Variants in SYTL5 observed in about 807,000 individuals in gnomAD.
The protein encoded by SYTL5 is synaptotagmin-like protein 5.
In SYTL5, 34 loss-of-function variants were observed where a neutral mutation model predicts 55.9. That is an observed-to-expected ratio of 0.61 (90% CI 0.46 to 0.81). The LOEUF is 0.81. SYTL5 is among the 30% of genes least tolerant of loss of function. SYTL5 has a pLI of 0.00. For synonymous variants in SYTL5, 221 were observed against 188.7 expected, an observed-to-expected ratio of 1.17 and a Z score of -1.40; for missense variants, 637 against 546.7, an observed-to-expected ratio of 1.17 and a Z score of -1.65.
the SYTL5 span, among the ~76,000 whole-genome samples, chrX:37,892,894 TCTATA>T: frequency 7.2e-5 from 5 of 69,273 alleles, no homozygotes; most frequent in African/African-American, 1.1e-4. Context: ...CATACCACAC[TCTATA>T]CTATATATGT....
chrX:37,940,423 G>A, the SYTL5 span, among the ~76,000 whole-genome samples: 2 of 104,489 alleles, frequency 1.9e-5, no homozygotes, highest in Non-Finnish European at 3.9e-5. Context: ...GGAACTTGCA[G>A]TGAGCCGAGA....
At chrX:37,890,608 A>G in the SYTL5 span, among the ~76,000 whole-genome samples, 1 of 111,808 alleles carries the variant, frequency 8.9e-6, no homozygotes, top group East Asian at 2.8e-4. Flanking sequence ...AATATTCCCA[A>G]ATGTATGTTG....
the SYTL5 span, among the ~76,000 whole-genome samples, chrX:37,910,210 T>C: frequency 9.0e-6 from 1 of 111,641 alleles, no homozygotes; most frequent in African/African-American, 3.3e-5. Context: ...AAGTCCAAGA[T>C]CAAGGGTTGG....
the SYTL5 span, among the ~76,000 whole-genome samples, chrX:37,972,140 C>A: frequency 9.0e-6 from 1 of 110,713 alleles, no homozygotes; most frequent in African/African-American, 3.3e-5. Context: ...GGCTCCCGGT[C>A]ACCCAAGGGC....
At chrX:38,046,734 T>G (rs1255373857) in intron 2 of SYTL5, among the ~76,000 whole-genome samples, 1 of 111,561 alleles carries the variant, frequency 9.0e-6, no homozygotes, top group South Asian at 3.8e-4. Flanking sequence ...CAGTCCAAAG[T>G]CTCATCTGAG....
At chrX:38,044,671 T>C (rs979750786) in intron 2 of SYTL5, among the ~76,000 whole-genome samples, 1 of 111,983 alleles carries the variant, frequency 8.9e-6, no homozygotes, top group African/African-American at 3.2e-5. Context: ...TTTAAAGAAA[T>C]GCAGCTTTCC....
chrX:38,016,098 T>C (rs1192705942), intron 1 of SYTL5, among the ~76,000 whole-genome samples: 1 of 111,652 alleles, frequency 9.0e-6, no homozygotes, highest in East Asian at 2.8e-4. Context: ...TTATGTGCCC[T>C]AAAATTCCAT....
chrX:38,030,963 G>C (rs763165582), intron 1 of SYTL5, among the ~76,000 whole-genome samples: 4 of 112,114 alleles, frequency 3.6e-5, no homozygotes, highest in South Asian at 7.5e-4. Context: ...AGATGAGAGG[G>C]AAACTTTATC....
the SYTL5 span, among the ~76,000 whole-genome samples, chrX:37,893,658 A>T: frequency 1.7e-5 from 1 of 59,500 alleles, no homozygotes; most frequent in Non-Finnish European, 2.4e-5. Context: ...ATTATATATA[A>T]AATCTATATA....
Position 38,103,911 on chromosome X carries a change from T to TA in SYTL5, c.1155+1484dup, listed in dbSNP as rs764158012. Among the ~76,000 whole-genome samples the TA allele has an allele frequency of 5.4e-5, 6 of 111,812 alleles. 1 individual carries two copies. The highest frequency in any genetic ancestry group is 5.6e-4 in the East Asian group (2 of 3,576). On this transcript the variant is annotated intron_variant, in intron 10 of 16. Coordinates refer to ENST00000297875, the MANE Select transcript of SYTL5 (RefSeq NM_138780.3). ...ATCCTAACAACTTACTAGCCATTTG[T>TA]AAAAAAATGCTACAAGTGAAAGAAA...
Position 38,062,008 on chromosome X carries a change from C to A in SYTL5, c.329+7586C>A, listed in dbSNP as rs1159845032. Among the ~76,000 whole-genome samples, 122 of 109,893 alleles carry A rather than the reference C, an allele frequency of 1.1e-3. 1 individual carries two copies. The Admixed American group carries it at 0.012, about 11-fold the overall frequency. On this transcript the variant is annotated intron_variant, in intron 3 of 16. Transcript: ENST00000297875. ...TTTGAGATGGAGTCTTGCTCTGTCA[C>A]CCAAGCCGGAGTGCAGTGGCGCAAT...
At chrX:37,939,287 A>C in the SYTL5 span, among the ~76,000 whole-genome samples, 1 of 111,514 alleles carries the variant, frequency 9.0e-6, no homozygotes, top group African/African-American at 3.3e-5. Flanking sequence ...AAGAAAAAAA[A>C]AGAAAGATAA....
the SYTL5 span, among the ~76,000 whole-genome samples, chrX:37,892,698 A>G: frequency 4.7e-5 from 4 of 84,709 alleles, no homozygotes; most frequent in East Asian, 3.2e-4. Context: ...GTATATATAC[A>G]TATATTAGTA....
chrX:37,947,889 C>T, the SYTL5 span, among the ~76,000 whole-genome samples: 2 of 111,619 alleles, frequency 1.8e-5, no homozygotes. Context: ...TATTTGTTAA[C>T]ATCTTAATTT....
intron 3 of SYTL5, among the ~76,000 whole-genome samples, chrX:38,056,681 T>C (rs780859883): frequency 8.9e-6 from 1 of 112,022 alleles, no homozygotes; most frequent in African/African-American, 3.2e-5. Context: ...AATAGCTCAT[T>C]GTAGTTTTGT....
chrX:38,106,342 C>CCAAGAA (rs1341640057), intron 10 of SYTL5, among the ~76,000 whole-genome samples: 1 of 111,664 alleles, frequency 9.0e-6, no homozygotes, highest in Non-Finnish European at 1.9e-5. Context: ...ATTCTCTAAC[C>CCAAGAA]CAAGAAGGAA....
At chrX:37,991,921 C>G in the SYTL5 span, among the ~76,000 whole-genome samples, 1 of 111,895 alleles carries the variant, frequency 8.9e-6, no homozygotes, top group East Asian at 2.8e-4. Context: ...ATCTTTTTGT[C>G]CTCTCTTCAG....
Position 38,094,436 on chromosome X carries a change from C to A in SYTL5, c.961+12C>A. ...CTCTCTCTCCTCAGGTGGGTATTTACAATGTGCCTACTTTGTTGTTTAAAA... is the reference window on the plus strand; with the variant it reads ...CTCTCTCTCCTCAGGTGGGTATTTAAAATGTGCCTACTTTGTTGTTTAAAA... On this transcript the variant is annotated intron_variant, in intron 8 of 16. Coordinates refer to ENST00000297875, the MANE Select transcript of SYTL5 (RefSeq NM_138780.3). 8.4e-7 allele frequency: 1 copy of A among 1,185,027 alleles called. No homozygotes were observed. The highest frequency in any genetic ancestry group is 1.9e-5 in the South Asian group (1 of 53,236).
rs1397411643 is a variant in SYTL5 at position 38,127,003 on chromosome X, G to C, written c.*273G>C. 10 of 248,077 alleles carry C rather than the reference G, an allele frequency of 4.0e-5. No individual in the cohort carries two copies. The highest frequency in any genetic ancestry group is 5.7e-5 in the Non-Finnish European group (8 of 139,806). The allele number at this position is 248,077 out of a possible 1,213,427, so 20.4% of individuals were successfully genotyped here. A position where few individuals can be genotyped will look rare whatever the true frequency, so the allele number is the denominator to read the frequency against. On this transcript the variant is annotated 3_prime_UTR_variant, in exon 17 of 17. Coordinates refer to ENST00000297875, the MANE Select transcript of SYTL5 (RefSeq NM_138780.3). ...AGCAAATTGTGCAAAGGCTTATAGG[G>C]TTTATGCCATAAAAGAAATGGCACA...
Sources: allele counts gnomAD v4.1 joint callset (sites outside exome capture counted in the v4.1 genomes callset), GRCh38; gene constraint gnomAD v4.1.1; transcripts MANE v1.5; gene names NCBI Gene and HGNC (gene_info 2026-07-23, HGNC 2026-07-21).